The following PNPLA1 variants were observed in gnomAD, a reference collection of about 807,000 sequenced individuals.
PNPLA1 encodes omega-hydroxyceramide transacylase.
A neutral mutation model predicts 51.7 loss-of-function variants in PNPLA1; 36 were observed. The ratio of observed to expected loss-of-function variants is 0.70; its 90% CI spans 0.53 to 0.92. The LOEUF (loss-of-function observed/expected upper bound fraction) is 0.92, where lower values mean the gene tolerates loss of function less well. Ranked by LOEUF, PNPLA1 falls within the 40% of genes least tolerant of loss-of-function variation. The pLI, the probability that PNPLA1 is intolerant of heterozygous loss-of-function variation, is 0.00. For missense variants in PNPLA1, 658 were observed against 682.5 expected, an observed-to-expected ratio of 0.96 and a Z score of 0.40; for synonymous variants, 293 against 280.1, an observed-to-expected ratio of 1.05 and a Z score of -0.46.
At position 36,246,417 on chromosome 6, in the gene PNPLA1, ATCTTGAAC is replaced by A. The variant is rs537771674; in HGVS notation, c.-81+3167_-81+3174del. Among the ~76,000 whole-genome samples, 34 of 152,178 alleles carry A rather than the reference ATCTTGAAC, an allele frequency of 2.2e-4. No homozygotes were observed. The South Asian group carries it at 5.8e-3, about 26-fold the overall frequency. The stretch of plus-strand genomic sequence containing the variant: ...TTGCCTGGCCATGTTGCCCAGGCCG[ATCTTGAAC>A]TCTTGAACTCAAGTGATCCGCCCAC... On this transcript the variant is annotated intron_variant, in intron 1 of 7. Coordinates refer to the PNPLA1 transcript ENST00000312917.
chr6:36,251,551 T>C (rs1462749866), intron 1 of PNPLA1, among the ~76,000 whole-genome samples: 1 of 152,200 alleles, frequency 6.6e-6, no homozygotes, highest in Non-Finnish European at 1.5e-5. Context: ...GATCTCTTTT[T>C]CTCTTCCCCC....
At chr6:36,282,982 C>T (rs1770367002) in intron 1 of PNPLA1, among the ~76,000 whole-genome samples, 1 of 152,212 alleles carries the variant, frequency 6.6e-6, no homozygotes, top group South Asian at 2.1e-4. Context: ...CGCACCTGAC[C>T]TGATCTGTGT....
chr6:36,273,742 A>AAAAAAAAAAC (rs1158781838), intron 1 of PNPLA1, among the ~76,000 whole-genome samples: 1 of 151,244 alleles, frequency 6.6e-6, no homozygotes, highest in Non-Finnish European at 1.5e-5. Context: ...AAAAAAAAAA[A>AAAAAAAAAAC]AAAAAAAAAA....
At chr6:36,267,356 A>T (rs1769783801), upstream of PNPLA1, among the ~76,000 whole-genome samples, 1 of 152,212 alleles carries the variant, frequency 6.6e-6, no homozygotes, top group South Asian at 2.1e-4. Flanking sequence ...TGTGGAGACC[A>T]GTCTGCCAGG....
rs1258306081 is a variant in PNPLA1, at chr6:36,312,813, G to C, written c.*927G>C. ...GGACAGACTGATGGATGCCAGCACT[G>C]ATCGGCACTCATGGACCTTCCTCTC... On this transcript the variant is annotated 3_prime_UTR_variant, in exon 9 of 9. Coordinates refer to ENST00000636260, the MANE Select transcript of PNPLA1 (RefSeq NM_001374623.1). 6.6e-6 allele frequency among the ~76,000 whole-genome samples: 1 copy of C among 152,200 alleles called. No individual in the cohort carries two copies. The highest frequency in any genetic ancestry group is 1.5e-5 in the Non-Finnish European group (1 of 68,040).
chr6:36,307,473 C>A, intron 7 of PNPLA1, 114 bp from the exon 8 acceptor site: 1 of 1,210,128 alleles, frequency 8.3e-7, no homozygotes, highest in Non-Finnish European at 1.1e-6. Context: ...CAATCCTCAG[C>A]CAGGGTTGAG....
At chr6:36,254,586 A>C (rs56953232) in intron 1 of PNPLA1, among the ~76,000 whole-genome samples, 4,382 of 152,116 alleles carry the variant, frequency 0.029, 105 homozygotes, top group African/African-American at 0.058. Context: ...AACAAACAAA[A>C]AAAAAAACAA....
chr6:36,243,821 T>C (rs891429635), intron 1 of PNPLA1, among the ~76,000 whole-genome samples: 8 of 152,100 alleles, frequency 5.3e-5, no homozygotes, highest in Non-Finnish European at 7.4e-5. Flanking sequence ...AAAAGATGAA[T>C]TGCATGTGCC....
intron 1 of PNPLA1, among the ~76,000 whole-genome samples, chr6:36,253,167 G>A (rs1200675713): frequency 6.6e-6 from 1 of 152,094 alleles, no homozygotes; most frequent in Non-Finnish European, 1.5e-5. Context: ...AAGACAGAGC[G>A]AGACGCTGTC....
At chr6:36,304,176 C>T (rs1771160700) in intron 6 of PNPLA1, among the ~76,000 whole-genome samples, 1 of 152,116 alleles carries the variant, frequency 6.6e-6, no homozygotes, top group African/African-American at 2.4e-5. Flanking sequence ...AAATGAAGGA[C>T]TGAAGCCAGA....
rs377267439 is a variant in PNPLA1 at position 36,294,241 on chromosome 6, G to A, written c.556G>A (p.Asp186Asn). The change falls in exon 4 of 9, where the codon GAC (aspartate) becomes AAC (asparagine). Residue 186 changes from aspartate to asparagine, a missense_variant. By Grantham distance (23) the Asp-to-Asn change is conservative. Transcript: ENST00000636260. This position sits in a 1 kb window ranked among gnomAD's most constrained non-coding sequence, Gnocchi z 4.2. ...CATGCAGCCCTGTGCCTTCTGGACC[G>A]ACGCCATCACCATCTCCACCTTCAG... Reference protein sequence around the residue: ...TGMQPCAFWTDAITISTFSGQ... With the variant: ...TGMQPCAFWTNAITISTFSGQ... 85 of 1,614,060 alleles carry A rather than the reference G, an allele frequency of 5.3e-5. No individual in the cohort carries two copies. Among genetic ancestry groups the A allele is most frequent in the African/African-American group, 6.7e-5 (5 of 74,926 alleles).
chr6:36,301,464 TC>T, intron 5 of PNPLA1, among the ~76,000 whole-genome samples: 1 of 151,802 alleles, frequency 6.6e-6, no homozygotes, highest in Middle Eastern at 3.4e-3. Flanking sequence ...ACCTGGTGTG[TC>T]CTCAAACTTT....
At chr6:36,293,267 C>A in intron 3 of PNPLA1, 141 bp downstream of exon 3, 1 of 866,802 alleles carries the variant, frequency 1.2e-6, no homozygotes, top group Non-Finnish European at 1.8e-6. Flanking sequence ...TGTTGTTACT[C>A]AGAATTCCCA....
At chr6:36,304,243 C>CT (rs1223775973) in intron 6 of PNPLA1, among the ~76,000 whole-genome samples, 2 of 152,160 alleles carry the variant, frequency 1.3e-5, no homozygotes, top group African/African-American at 2.4e-5. Flanking sequence ...GTAAACGTCA[C>CT]AGATCGGCAA....
At chr6:36,263,746 T>G (rs1393710098) in intron 1 of PNPLA1, among the ~76,000 whole-genome samples, 1 of 136,304 alleles carries the variant, frequency 7.3e-6, no homozygotes, top group Non-Finnish European at 1.5e-5. Flanking sequence ...TTCTTAGAGA[T>G]AGCAGAGGGC....
chr6:36,281,097 G>A (rs796909273), intron 1 of PNPLA1, among the ~76,000 whole-genome samples: 1 of 152,128 alleles, frequency 6.6e-6, no homozygotes, highest in East Asian at 1.9e-4. Flanking sequence ...CTGATCTCTT[G>A]TTTCTGAAGC....
At chr6:36,284,378 A>C (rs796672891) in intron 1 of PNPLA1, among the ~76,000 whole-genome samples, 33 of 152,354 alleles carry the variant, frequency 2.2e-4, no homozygotes, top group African/African-American at 7.5e-4. Context: ...AATAGGTCAG[A>C]GTTGTTTTGC....
At chr6:36,250,170 T>A (rs1769389972) in intron 1 of PNPLA1, among the ~76,000 whole-genome samples, 2 of 152,206 alleles carry the variant, frequency 1.3e-5, no homozygotes. Flanking sequence ...CATGTGATCA[T>A]GCTTTGGCTG....
intron 5 of PNPLA1, among the ~76,000 whole-genome samples, chr6:36,298,153 C>A (rs769030410): frequency 1.3e-5 from 2 of 152,166 alleles, no homozygotes; most frequent in African/African-American, 2.4e-5. Flanking sequence ...ACGTTCCGTG[C>A]CACTGTATGA....
Sources: gnomAD v4.1 joint callset for allele counts (sites outside exome capture counted in the v4.1 genomes callset) on GRCh38, gnomAD v4.1.1 for gene constraint, Gnocchi (gnomAD v3.1) non-coding constraint, MANE v1.5 for transcripts, NCBI Gene and HGNC (gene_info 2026-07-23, HGNC 2026-07-21) for gene names.